MEMO1: variants seen among roughly 807,000 people sequenced by gnomAD.
MEMO1 encodes the protein protein MEMO1.
A neutral mutation model predicts 45.2 loss-of-function variants in MEMO1; 6 were observed. The ratio of observed to expected loss-of-function variants is 0.13; its 90% confidence interval spans 0.07 to 0.26. The LOEUF is 0.26. Among genes scored for constraint, MEMO1 ranks in the 10% least tolerant of loss-of-function variants. MEMO1 has a pLI of 1.00. For synonymous variants in MEMO1, 78 were observed against 124.3 expected (o/e 0.63, Z 2.48); for missense variants, 184 against 370.5 (o/e 0.50, Z 4.13).
At chr2:31,988,005 G>C (rs1460232376) in intron 2 of MEMO1, among the ~76,000 whole-genome samples, 1 of 152,176 alleles carries the variant, frequency 6.6e-6, no homozygotes, top group East Asian at 1.9e-4. Flanking sequence ...TATGCGCAGA[G>C]TGTTAGTAGG....
chr2:31,971,334 A>C (rs1669375810), intron 2 of MEMO1, among the ~76,000 whole-genome samples: 1 of 151,860 alleles, frequency 6.6e-6, no homozygotes, highest in African/African-American at 2.4e-5. Context: ...TGCAGTCTCG[A>C]CCTCCTGGGC....
intron 4 of MEMO1, among the ~76,000 whole-genome samples, chr2:31,925,837 T>C (rs1168797292): frequency 6.6e-6 from 1 of 152,148 alleles, no homozygotes; most frequent in Admixed American, 6.5e-5. Flanking sequence ...TTTCATTAAA[T>C]CTTGACTCTC....
At chr2:31,934,548 G>A (rs1664683594) in intron 3 of MEMO1, among the ~76,000 whole-genome samples, 1 of 151,594 alleles carries the variant, frequency 6.6e-6, no homozygotes, top group Non-Finnish European at 1.5e-5. Context: ...AGAGTACAAA[G>A]GTAAGGACAT....
At chr2:31,969,586 G>GTGTGT (rs1669090004) in intron 2 of MEMO1, among the ~76,000 whole-genome samples, 52 of 119,264 alleles carry the variant, frequency 4.4e-4, no homozygotes, top group African/African-American at 1.6e-3. Flanking sequence ...TGTGTGTGTG[G>GTGTGT]GTGTGTGTGT....
At chr2:31,916,135 T>C (rs1231114467) in intron 6 of MEMO1, among the ~76,000 whole-genome samples, 1 of 152,232 alleles carries the variant, frequency 6.6e-6, no homozygotes, top group Non-Finnish European at 1.5e-5. Context: ...TTCCACAATA[T>C]ACATGTTTTA....
At chr2:31,872,166 T>C (rs1054104424) in intron 8 of MEMO1, among the ~76,000 whole-genome samples, 4 of 152,106 alleles carry the variant, frequency 2.6e-5, no homozygotes, top group Non-Finnish European at 5.9e-5. Flanking sequence ...CCATAAATAA[T>C]GGATGATCAA....
At chr2:31,900,812 C>T (rs1416547956) in intron 6 of MEMO1, among the ~76,000 whole-genome samples, 2 of 151,900 alleles carry the variant, frequency 1.3e-5, no homozygotes, top group Non-Finnish European at 2.9e-5. Context: ...AGATATTGGC[C>T]AGGATGTAAA....
Position 31,980,032 on chromosome 2 carries a change from A to G in MEMO1, c.61+30155T>C, listed in dbSNP as rs139940408. Among the ~76,000 whole-genome samples, 515 of 152,162 alleles carry G rather than the reference A, an allele frequency of 3.4e-3. 3 individuals carry two copies. Among genetic ancestry groups the G allele is most frequent in the African/African-American group, 0.012 (501 of 41,558 alleles). On this transcript the variant is annotated intron_variant, in intron 2 of 9. Transcript: ENST00000404530. ...TTTAAAAAAAAAAAAAAGAAAGAAA[A>G]AAACTGTCTTAACTCAGTTATCTAA...
chr2:31,961,181 A>C (rs1204996502), intron 2 of MEMO1, among the ~76,000 whole-genome samples: 1 of 149,562 alleles, frequency 6.7e-6, no homozygotes, highest in East Asian at 2.1e-4. Flanking sequence ...AACATGGGGA[A>C]TCCCCCTCTC....
At chr2:31,994,637 A>T (rs143967491) in intron 2 of MEMO1, among the ~76,000 whole-genome samples, 2,690 of 151,404 alleles carry the variant, frequency 0.018, 41 homozygotes, top group South Asian at 0.042. Flanking sequence ...TCTAAAAAAA[A>T]AATAATAATA....
At chr2:31,950,065 A>G (rs181666274) in intron 2 of MEMO1, among the ~76,000 whole-genome samples, 10 of 152,318 alleles carry the variant, frequency 6.6e-5, no homozygotes, top group African/African-American at 2.4e-4. Flanking sequence ...ACTTATTGGC[A>G]GAGTTCTTTT....
At position 32,002,391 on chromosome 2, in the gene MEMO1, C is replaced by CAT. The variant is rs199788297; in HGVS notation, c.61+7794_61+7795dup. Among the ~76,000 whole-genome samples the CAT allele has an allele frequency of 1.3e-3, 201 of 149,040 alleles. 1 individual carries two copies. Among genetic ancestry groups the CAT allele is most frequent in the Non-Finnish European group, 2.1e-3 (141 of 67,402 alleles). ...AATCCTTTATATAAGCCACAATATA[C>CAT]ATATATATATAATATACATGTATGA... On this transcript the variant is annotated intron_variant, in intron 2 of 9. Coordinates refer to ENST00000404530, the MANE Select transcript of MEMO1 (RefSeq NM_001301833.4).
chr2:31,920,653 G>C (rs1682187915), intron 5 of MEMO1, 145 bp downstream of exon 5: 1 of 375,434 alleles, frequency 2.7e-6, no homozygotes, highest in Admixed American at 4.8e-5. Flanking sequence ...TTCTTTTTTT[G>C]CTGTTTTATG....
chr2:31,974,025 G>A (rs1032132799), intron 2 of MEMO1, among the ~76,000 whole-genome samples: 1 of 152,034 alleles, frequency 6.6e-6, no homozygotes, highest in Admixed American at 6.6e-5. Flanking sequence ...CTTTTTATAG[G>A]AGTTCATAAG....
intron 2 of MEMO1, among the ~76,000 whole-genome samples, chr2:31,956,744 T>C (rs975150473): frequency 3.3e-5 from 5 of 152,240 alleles, no homozygotes; most frequent in African/African-American, 1.2e-4. Context: ...GAACACGCAT[T>C]ATACACAACA....
In MEMO1 at chr2:31,947,345, G is replaced by A. The variant is rs577150997; in HGVS notation, c.62-3962C>T. Among the ~76,000 whole-genome samples, 3 of 152,200 alleles carry A rather than the reference G, an allele frequency of 2.0e-5. No homozygotes were observed. The South Asian group carries it at 6.2e-4, about 32-fold the overall frequency. On this transcript the variant is annotated intron_variant, in intron 2 of 9. Transcript: ENST00000404530. ...AACTCCAAGTTTCTCACTTATCTTT[G>A]AATAAGATAATTAAGCATACCTATT...
chr2:31,872,016 A>AACACAC lies in MEMO1; in HGVS notation c.658-2070_658-2065dup, dbSNP rs55682785. Among the ~76,000 whole-genome samples, 1,029 of 143,228 alleles carry AACACAC rather than the reference A, an allele frequency of 7.2e-3. 4 individuals are homozygous for AACACAC. Among genetic ancestry groups the AACACAC allele is most frequent in the South Asian group, 0.017 (73 of 4,410 alleles). 94.0% of individuals were successfully genotyped at this position (143,228 alleles called of 152,430 possible). A position where few individuals can be genotyped will look rare whatever the true frequency, so the allele number is the denominator to read the frequency against. ...GCGACAGAGCAAGACTCTGTCTCAA[A>AACACAC]ACACACACACACACACACACACACA... is the stretch of plus-strand genomic sequence containing the variant. On this transcript the variant is annotated intron_variant, in intron 8 of 9. Transcript: ENST00000404530.
intron 2 of MEMO1, among the ~76,000 whole-genome samples, chr2:31,977,047 T>C (rs1178241095): frequency 6.6e-6 from 1 of 152,052 alleles, no homozygotes; most frequent in Admixed American, 6.6e-5. Flanking sequence ...ATAAAGGATT[T>C]AGAGTTCAGA....
intron 8 of MEMO1, 151 bp from the exon 9 acceptor site, chr2:31,870,103 T>A (rs1194801928): frequency 1.6e-6 from 1 of 622,752 alleles, no homozygotes; most frequent in Admixed American, 4.3e-5. Flanking sequence ...TTGTGAAACA[T>A]CAAACTCATT....
Sources: gnomAD v4.1 joint callset for allele counts (sites outside exome capture counted in the v4.1 genomes callset) on GRCh38, gnomAD v4.1.1 for gene constraint, MANE v1.5 for transcripts, NCBI Gene and HGNC (gene_info 2026-07-23, HGNC 2026-07-21) for gene names.